The following TMEM132C variants were observed in gnomAD, a reference collection of about 807,000 sequenced individuals.
TMEM132C encodes the protein protein phosphatase 1, regulatory subunit 152.
TMEM132C carries 29 observed loss-of-function variants against 61.4 expected under a neutral mutation model. That is an observed-to-expected ratio of 0.47 (90% CI 0.35 to 0.64). TMEM132C has a LOEUF of 0.64. TMEM132C is among the 30% of genes least tolerant of loss of function. TMEM132C has a pLI of 0.00. For synonymous variants in TMEM132C, 656 were observed against 633.1 expected (o/e 1.04, Z -0.54); for missense variants, 1,408 against 1,476.9 (o/e 0.95, Z 0.76).
chr12:128,454,128 G>A (rs1399397366), intron 2 of TMEM132C, among the ~76,000 whole-genome samples: 1 of 152,168 alleles, frequency 6.6e-6, no homozygotes, highest in East Asian at 1.9e-4. Flanking sequence ...AAGTGTACTC[G>A]TGAGCTCCTT....
chr12:128,448,957 GA>G (rs568178267), intron 2 of TMEM132C, among the ~76,000 whole-genome samples: 31 of 151,640 alleles, frequency 2.0e-4, no homozygotes, highest in African/African-American at 7.0e-4. Context: ...CTAACACGGC[GA>G]AACCCTGTCT....
chr12:128,431,156 G>T (rs957846157), intron 2 of TMEM132C, among the ~76,000 whole-genome samples: 1 of 152,216 alleles, frequency 6.6e-6, no homozygotes, highest in East Asian at 1.9e-4. Flanking sequence ...GAAGTGATAC[G>T]AAGGCAAAAC....
At chr12:128,367,771 CAT>C (rs1427194895) in intron 1 of TMEM132C, among the ~76,000 whole-genome samples, 3 of 151,572 alleles carry the variant, frequency 2.0e-5, no homozygotes, top group African/African-American at 7.3e-5. Context: ...GAATAATTTA[CAT>C]AGTGATTACA....
intron 4 of TMEM132C, among the ~76,000 whole-genome samples, chr12:128,622,360 A>AAAAAAAAAATAT (rs1277080166): frequency 3.3e-4 from 10 of 30,112 alleles, no homozygotes; most frequent in African/African-American, 8.2e-4. Context: ...AAAAAAAAAA[A>AAAAAAAAAATAT]ATATATATAT....
chr12:128,622,360 A>AAAAAAAAAAAATATAT (rs1277080166), intron 4 of TMEM132C, among the ~76,000 whole-genome samples: 4 of 30,116 alleles, frequency 1.3e-4, no homozygotes, highest in African/African-American at 3.3e-4. Flanking sequence ...AAAAAAAAAA[A>AAAAAAAAAAAATATAT]ATATATATAT....
intron 2 of TMEM132C, among the ~76,000 whole-genome samples, chr12:128,468,067 G>A (rs939731290): frequency 1.3e-5 from 2 of 152,192 alleles, no homozygotes; most frequent in African/African-American, 4.8e-5. Context: ...GAGGTATCTG[G>A]TGATGACGCA....
rs140985131 is a variant in TMEM132C at position 128,625,809 on chromosome 12, C to T, written c.1305+9474C>T. Among the ~76,000 whole-genome samples the T allele has an allele frequency of 5.9e-3, 895 of 152,292 alleles. 6 individuals carry two copies. Among genetic ancestry groups the T allele is most frequent in the African/African-American group, 0.021 (854 of 41,548 alleles). On this transcript the variant is annotated intron_variant, in intron 4 of 8. Coordinates refer to ENST00000435159, the MANE Select transcript of TMEM132C (RefSeq NM_001136103.3). ...ATCCCATTCATAAGGACTTCACCTG[C>T]GTGACCTTATCACCTCCCAAAGGCC... is the stretch of plus-strand genomic sequence containing the variant.
intron 3 of TMEM132C, among the ~76,000 whole-genome samples, chr12:128,601,607 C>T (rs1278366283): frequency 1.3e-5 from 2 of 148,786 alleles, no homozygotes; most frequent in Non-Finnish European, 1.5e-5. Context: ...GGGGTGAATG[C>T]CAAGATGGGC....
intron 4 of TMEM132C, among the ~76,000 whole-genome samples, chr12:128,642,756 A>C (rs1460595070): frequency 6.6e-6 from 1 of 152,204 alleles, no homozygotes; most frequent in East Asian, 1.9e-4. Context: ...TCAGCCTCAG[A>C]TAATCCTTTA....
intron 3 of TMEM132C, among the ~76,000 whole-genome samples, chr12:128,602,932 A>G (rs368497654): frequency 2.0e-5 from 3 of 152,202 alleles, no homozygotes; most frequent in African/African-American, 4.8e-5. Flanking sequence ...CAGAACCTTC[A>G]TCTATTGCTG....
intron 1 of TMEM132C, among the ~76,000 whole-genome samples, chr12:128,299,700 A>G (rs1871535183): frequency 6.6e-6 from 1 of 152,206 alleles, no homozygotes; most frequent in African/African-American, 2.4e-5. Context: ...AAGGGTGTAT[A>G]GCTTGGTCAC....
intron 1 of TMEM132C, among the ~76,000 whole-genome samples, chr12:128,321,168 T>C (rs148042091): frequency 4.0e-5 from 6 of 149,140 alleles, no homozygotes; most frequent in African/African-American, 1.5e-4. Context: ...ATAATAATAA[T>C]AATAATAATA....
At chr12:128,465,587 A>T (rs1212048401) in intron 2 of TMEM132C, among the ~76,000 whole-genome samples, 1 of 152,184 alleles carries the variant, frequency 6.6e-6, no homozygotes, top group Non-Finnish European at 1.5e-5. Flanking sequence ...CACCCAGGTG[A>T]CACCAGGACA....
Position 128,705,887 on chromosome 12 carries a change from G to A in TMEM132C, c.2919G>A (p.Trp973Ter). 1 of 1,551,474 alleles carries A rather than the reference G, an allele frequency of 6.4e-7. No individual in the cohort carries two copies. Among genetic ancestry groups the A allele is most frequent in the Non-Finnish European group, 8.7e-7 (1 of 1,146,996 alleles). The change falls in exon 9 of 9, where the codon TGG (tryptophan) becomes TGA (stop). Residue 973 changes from tryptophan (W) to a stop codon, truncating the protein, a stop_gained. Transcript: ENST00000435159. LOFTEE classifies it low-confidence loss of function (END_TRUNC). ...ASMTHSHDWV[W>*]LGNEAELLES... ...TGACCCACTCTCACGACTGGGTGTG[G>A]CTTGGCAATGAGGCCGAACTCCTGG...
chr12:128,281,931 G>A (rs906713855), intron 1 of TMEM132C, among the ~76,000 whole-genome samples: 17 of 152,256 alleles, frequency 1.1e-4, no homozygotes, highest in African/African-American at 4.1e-4. Flanking sequence ...TCCATAAATA[G>A]TTCCTTCATA....
chr12:128,629,118 A>C (rs540565653), intron 4 of TMEM132C, among the ~76,000 whole-genome samples: 1 of 152,256 alleles, frequency 6.6e-6, no homozygotes, highest in Non-Finnish European at 1.5e-5. Flanking sequence ...CATCATGCAC[A>C]CTGGGACCTG....
intron 2 of TMEM132C, among the ~76,000 whole-genome samples, chr12:128,485,995 C>G (rs1565950335): frequency 6.6e-6 from 1 of 152,144 alleles, no homozygotes; most frequent in Non-Finnish European, 1.5e-5. Context: ...TGGCTTCTCC[C>G]TGGATAGTCG....
intron 2 of TMEM132C, among the ~76,000 whole-genome samples, chr12:128,543,023 T>C (rs10847646): frequency 0.5 from 76,156 of 151,802 alleles, 19,584 homozygotes; most frequent in Non-Finnish European, 0.55. Context: ...CTCAAGCTGC[T>C]ACTTGTCTCG....
chr12:128,303,225 T>TA (rs961903348), intron 1 of TMEM132C, among the ~76,000 whole-genome samples: 6 of 152,120 alleles, frequency 3.9e-5, no homozygotes, highest in Non-Finnish European at 7.4e-5. Context: ...TATTATTCTT[T>TA]AAAAGAAAGG....
Sources: allele counts gnomAD v4.1 joint callset (sites outside exome capture counted in the v4.1 genomes callset), GRCh38; gene constraint gnomAD v4.1.1; transcripts MANE v1.5; gene names NCBI Gene and HGNC (gene_info 2026-07-23, HGNC 2026-07-21).